The following GALNTL6 variants were observed in gnomAD, a reference collection of about 807,000 sequenced individuals.
GALNTL6 encodes polypeptide N-acetylgalactosaminyltransferase-like 6.
GALNTL6 carries 46 observed loss-of-function variants against 73.7 expected under a neutral mutation model. The ratio of observed to expected loss-of-function variants is 0.62; its 90% confidence interval spans 0.49 to 0.80. The LOEUF (loss-of-function observed/expected upper bound fraction) is 0.80, where lower values mean the gene tolerates loss of function less well. Ranked by LOEUF, GALNTL6 falls within the 30% of genes least tolerant of loss-of-function variation. The pLI is 0.00. For missense variants in GALNTL6, 604 were observed against 755.0 expected, an observed-to-expected ratio of 0.80 and a Z score of 2.34; for synonymous variants, 259 against 263.7, an observed-to-expected ratio of 0.98 and a Z score of 0.17.
chr4:173,010,505 T>C (rs1752498841), intron 11 of GALNTL6, among the ~76,000 whole-genome samples: 1 of 152,178 alleles, frequency 6.6e-6, no homozygotes, highest in Non-Finnish European at 1.5e-5. Context: ...ATATACTGAT[T>C]TCCTTTCTTT....
At chr4:171,868,655 G>C (rs747508558) in intron 2 of GALNTL6, among the ~76,000 whole-genome samples, 1 of 151,936 alleles carries the variant, frequency 6.6e-6, no homozygotes, top group Non-Finnish European at 1.5e-5. Flanking sequence ...TTCTTGAATC[G>C]AGCCTTCTCC....
intron 5 of GALNTL6, among the ~76,000 whole-genome samples, chr4:172,788,753 G>A (rs1425024261): frequency 6.6e-6 from 1 of 151,516 alleles, no homozygotes; most frequent in African/African-American, 2.4e-5. Context: ...CATAAGAGGT[G>A]ATAACTAAGG....
At chr4:172,724,321 C>T (rs951322666) in intron 5 of GALNTL6, among the ~76,000 whole-genome samples, 2 of 152,174 alleles carry the variant, frequency 1.3e-5, no homozygotes, top group Non-Finnish European at 2.9e-5. Context: ...CAAACCTAAG[C>T]AACACAAAAT....
chr4:172,603,520 A>G (rs1391595171), intron 5 of GALNTL6, among the ~76,000 whole-genome samples: 1 of 152,192 alleles, frequency 6.6e-6, no homozygotes, highest in African/African-American at 2.4e-5. Context: ...TAATATCACA[A>G]ATAAATAAGC....
intron 2 of GALNTL6, among the ~76,000 whole-genome samples, chr4:171,910,035 G>C (rs2110960370): frequency 6.6e-6 from 1 of 152,212 alleles, no homozygotes; most frequent in East Asian, 1.9e-4. Flanking sequence ...CATGAATAAT[G>C]TATTCTGCAA....
intron 2 of GALNTL6, among the ~76,000 whole-genome samples, chr4:171,862,397 T>C (rs1735854963): frequency 1.3e-5 from 2 of 152,096 alleles, no homozygotes; most frequent in African/African-American, 2.4e-5. Context: ...GAACTGAGCA[T>C]CTGTTTAATC....
intron 4 of GALNTL6, among the ~76,000 whole-genome samples, chr4:172,344,899 T>G (rs1741686416): frequency 6.6e-6 from 1 of 152,208 alleles, no homozygotes; most frequent in Admixed American, 6.5e-5. Flanking sequence ...CTGTCTCTTC[T>G]GCAGTTCCTG....
At chr4:172,170,806 G>A (rs1016022970) in intron 2 of GALNTL6, among the ~76,000 whole-genome samples, 30 of 152,044 alleles carry the variant, frequency 2.0e-4, no homozygotes, top group Admixed American at 1.7e-3. Context: ...GAGACACCAC[G>A]CCCTGCTGGG....
At chr4:172,781,478 C>T (rs1267341950) in intron 5 of GALNTL6, among the ~76,000 whole-genome samples, 1 of 151,686 alleles carries the variant, frequency 6.6e-6, no homozygotes, top group East Asian at 1.9e-4. Flanking sequence ...GCATTTTTTT[C>T]AAAAAAATTT....
intron 2 of GALNTL6, among the ~76,000 whole-genome samples, chr4:171,959,484 G>C (rs1739151845): frequency 6.6e-6 from 1 of 152,122 alleles, no homozygotes; most frequent in Non-Finnish European, 1.5e-5. Flanking sequence ...ACCAATTTTA[G>C]TGAATATAAC....
chr4:172,431,712 A>T (rs537193906), intron 5 of GALNTL6, among the ~76,000 whole-genome samples: 1 of 152,266 alleles, frequency 6.6e-6, no homozygotes, highest in South Asian at 2.1e-4. Context: ...AATTTGTAGT[A>T]TCAATACAAA....
At chr4:172,491,781 A>C (rs1204057893) in intron 5 of GALNTL6, among the ~76,000 whole-genome samples, 3 of 152,178 alleles carry the variant, frequency 2.0e-5, no homozygotes, top group Non-Finnish European at 4.4e-5. Flanking sequence ...CAGATTGTTA[A>C]GGAAAAAGTT....
chr4:172,941,742 G>C (rs148571978), intron 9 of GALNTL6, among the ~76,000 whole-genome samples: 18 of 152,306 alleles, frequency 1.2e-4, no homozygotes, highest in African/African-American at 4.3e-4. Flanking sequence ...AAATATTTTA[G>C]CATGCCATAA....
intron 5 of GALNTL6, among the ~76,000 whole-genome samples, chr4:172,607,744 C>A (rs143498818): frequency 2.8e-4 from 43 of 152,208 alleles, no homozygotes; most frequent in Non-Finnish European, 4.7e-4. Context: ...CCTTTATAGC[C>A]TCATCAGCAT....
intron 5 of GALNTL6, among the ~76,000 whole-genome samples, chr4:172,557,029 C>T (rs2110915515): frequency 6.6e-6 from 1 of 152,228 alleles, no homozygotes; most frequent in East Asian, 1.9e-4. Flanking sequence ...CTCCACAGAA[C>T]ATGAATGTTC....
rs200726909 is a variant in GALNTL6, at chr4:172,988,759, A to G, written c.1372-20419A>G. On this transcript the variant is annotated intron_variant, in intron 10 of 12. Transcript: ENST00000506823. ...CATCCTATCTTCTCCAGCTCCTGCT[A>G]TAGCTAAAAGGGCCCCAGATAGGTC... is the stretch of plus-strand genomic sequence containing the variant. 3.9e-5 allele frequency among the ~76,000 whole-genome samples: 6 copies of G among 152,338 alleles called. No homozygotes were observed. In the East Asian group the frequency reaches 7.7e-4, roughly 20 times the overall value.
At chr4:172,114,466 T>G (rs1169313857) in intron 2 of GALNTL6, among the ~76,000 whole-genome samples, 2 of 152,100 alleles carry the variant, frequency 1.3e-5, no homozygotes, top group Middle Eastern at 3.4e-3. Flanking sequence ...TATATATCTA[T>G]AGAAATAAAG....
chr4:172,693,752 C>T (rs560050383), intron 5 of GALNTL6, among the ~76,000 whole-genome samples: 1 of 152,260 alleles, frequency 6.6e-6, no homozygotes, highest in South Asian at 2.1e-4. Flanking sequence ...AATCCTGGTA[C>T]CAACACTGGA....
intron 9 of GALNTL6, among the ~76,000 whole-genome samples, chr4:172,937,301 C>A (rs1748672184): frequency 6.6e-6 from 1 of 151,778 alleles, no homozygotes; most frequent in Admixed American, 6.6e-5. Flanking sequence ...AAAAAAAAAT[C>A]ATAAAATATT....
Sources: allele counts gnomAD v4.1 joint callset (sites outside exome capture counted in the v4.1 genomes callset), GRCh38; gene constraint gnomAD v4.1.1; transcripts MANE v1.5; gene names NCBI Gene and HGNC (gene_info 2026-07-23, HGNC 2026-07-21).